The following PRKCB variants were observed in gnomAD, a reference collection of about 807,000 sequenced individuals.
PRKCB encodes protein kinase C beta.
Under a neutral mutation model 81.5 loss-of-function variants are expected in PRKCB, and 13 were observed. The ratio of observed to expected loss-of-function variants is 0.16; its 90% CI spans 0.10 to 0.25. The LOEUF (loss-of-function observed/expected upper bound fraction) is 0.25. Among genes scored for constraint, PRKCB ranks in the 10% least tolerant of loss-of-function variants. The pLI is 1.00. For missense variants in PRKCB, 509 were observed against 875.7 expected, an observed-to-expected ratio of 0.58 and a Z score of 5.29; for synonymous variants, 335 against 321.4, an observed-to-expected ratio of 1.04 and a Z score of -0.45.
At chr16:24,160,817 G>C (rs1344995679) in intron 10 of PRKCB, among the ~76,000 whole-genome samples, 1 of 152,118 alleles carries the variant, frequency 6.6e-6, no homozygotes, top group African/African-American at 2.4e-5. Flanking sequence ...TCTGAGCAGA[G>C]ACCAGGGCAA....
chr16:24,145,954 G>A (rs1388288868), intron 9 of PRKCB, among the ~76,000 whole-genome samples: 2 of 152,236 alleles, frequency 1.3e-5, no homozygotes, highest in African/African-American at 4.8e-5. Flanking sequence ...TTATAAGCAA[G>A]TTAAGATGTG....
chr16:24,193,454 A>G (rs1446367402), intron 16 of PRKCB, among the ~76,000 whole-genome samples: 2 of 57,948 alleles, frequency 3.5e-5, no homozygotes, highest in East Asian at 6.2e-4. Context: ...CAAATAAATA[A>G]ATAAATAAAT....
intron 2 of PRKCB, among the ~76,000 whole-genome samples, chr16:23,969,463 G>T (rs1016562838): frequency 6.6e-6 from 1 of 152,102 alleles, no homozygotes; most frequent in Non-Finnish European, 1.5e-5. Flanking sequence ...TCTATTGAGA[G>T]CTGGTTTCCA....
intron 2 of PRKCB, among the ~76,000 whole-genome samples, chr16:23,920,686 G>A (rs1170084933): frequency 1.3e-5 from 2 of 152,190 alleles, no homozygotes; most frequent in African/African-American, 4.8e-5. Flanking sequence ...AAGAGTGGGT[G>A]AGACAGGCTG....
At chr16:24,182,364 A>T (rs76415220) in intron 13 of PRKCB, among the ~76,000 whole-genome samples, 1 of 152,090 alleles carries the variant, frequency 6.6e-6, no homozygotes, top group Non-Finnish European at 1.5e-5. Context: ...TACAAAAAAA[A>T]TTAAAAATTC....
chr16:24,086,007 G>A (rs1966306420), intron 5 of PRKCB, among the ~76,000 whole-genome samples: 1 of 152,146 alleles, frequency 6.6e-6, no homozygotes, highest in Non-Finnish European at 1.5e-5. Context: ...CTTTGATGCT[G>A]GATGTGGGCT....
chr16:24,071,855 C>T (rs559962893), intron 5 of PRKCB, among the ~76,000 whole-genome samples: 98 of 152,186 alleles, frequency 6.4e-4, no homozygotes, highest in African/African-American at 2.2e-3. Flanking sequence ...TTGCAGTAAC[C>T]ATGCCCAAGC....
At chr16:23,874,568 C>CTTTTTTTTT (rs58560122) in intron 2 of PRKCB, among the ~76,000 whole-genome samples, 1 of 133,052 alleles carries the variant, frequency 7.5e-6, no homozygotes, top group Non-Finnish European at 1.6e-5. Flanking sequence ...ATTCTTCTCT[C>CTTTTTTTTT]TTTTTTTTTT....
chr16:23,893,917 A>C (rs147399464), intron 2 of PRKCB: 1 of 152,216 alleles, frequency 6.6e-6, no homozygotes, highest in Non-Finnish European at 1.5e-5. Flanking sequence ...AAGTTCATGT[A>C]TTAGTTAGGT....
rs187709200 is a variant in PRKCB at position 24,010,769 on chromosome 16, C to G, written c.289-21367C>G. 5.0e-3 allele frequency among the ~76,000 whole-genome samples: 758 copies of G among 152,294 alleles called. 4 individuals are homozygous for G. Among genetic ancestry groups the G allele is most frequent in the Admixed American group, 0.01 (159 of 15,294 alleles). On this transcript the variant is annotated intron_variant, in intron 3 of 16. Transcript: ENST00000643927. ...AAGATTCATCATTTTAAATATTGCTCAAGTGCCTGCTGCTGCCAGTGACTT... is the reference window on the plus strand; with the variant it reads ...AAGATTCATCATTTTAAATATTGCTGAAGTGCCTGCTGCTGCCAGTGACTT...
At chr16:23,875,619 T>C (rs1257538388) in intron 2 of PRKCB, among the ~76,000 whole-genome samples, 7 of 34,264 alleles carry the variant, frequency 2.0e-4, no homozygotes, top group South Asian at 1.4e-3. Context: ...ATCACACACA[T>C]ATATGTATGT....
At chr16:24,117,366 C>T (rs1032897877) in intron 8 of PRKCB, among the ~76,000 whole-genome samples, 12 of 152,104 alleles carry the variant, frequency 7.9e-5, no homozygotes, top group African/African-American at 9.7e-5. Flanking sequence ...TTCAGTCGAC[C>T]GTGGGCTTTG....
intron 2 of PRKCB, among the ~76,000 whole-genome samples, chr16:23,967,717 AC>A (rs983748488): frequency 6.6e-6 from 1 of 151,716 alleles, no homozygotes; most frequent in African/African-American, 2.4e-5. Context: ...CAATGGCACA[AC>A]CCCGGCCCAC....
At chr16:23,885,964 C>T (rs983792070) in intron 2 of PRKCB, among the ~76,000 whole-genome samples, 1 of 152,154 alleles carries the variant, frequency 6.6e-6, no homozygotes, top group African/African-American at 2.4e-5. Flanking sequence ...TTAACAACAA[C>T]AAACTTTCAT....
intron 5 of PRKCB, among the ~76,000 whole-genome samples, chr16:24,035,834 AGGATCCTC>A (rs779915633): frequency 2.0e-5 from 3 of 152,180 alleles, no homozygotes; most frequent in Non-Finnish European, 2.9e-5. Context: ...TAACTTCCTC[AGGATCCTC>A]CACTTCCCTT....
intron 9 of PRKCB, among the ~76,000 whole-genome samples, chr16:24,151,246 G>A (rs1035722663): frequency 6.6e-6 from 1 of 152,148 alleles, no homozygotes; most frequent in Non-Finnish European, 1.5e-5. Context: ...AAGATGCAGA[G>A]CCTGACTCAG....
At chr16:24,008,803 A>T (rs1965162771) in intron 3 of PRKCB, among the ~76,000 whole-genome samples, 1 of 152,224 alleles carries the variant, frequency 6.6e-6, no homozygotes, top group South Asian at 2.1e-4. Context: ...TCTGGGGCTT[A>T]TTCATCATGC....
chr16:23,970,492 C>T (rs992934693), intron 2 of PRKCB, among the ~76,000 whole-genome samples: 3 of 152,112 alleles, frequency 2.0e-5, no homozygotes, highest in African/African-American at 7.2e-5. Flanking sequence ...GAATTGTGTG[C>T]GAAATGTGGG....
At chr16:24,054,322 TA>T (rs1008231494) in intron 5 of PRKCB, among the ~76,000 whole-genome samples, 1 of 152,230 alleles carries the variant, frequency 6.6e-6, no homozygotes, top group African/African-American at 2.4e-5. Context: ...TTCCCAATGG[TA>T]GGCAATATCT....
Sources: gnomAD v4.1 joint callset for allele counts (sites outside exome capture counted in the v4.1 genomes callset) on GRCh38, gnomAD v4.1.1 for gene constraint, MANE v1.5 for transcripts, NCBI Gene and HGNC (gene_info 2026-07-23, HGNC 2026-07-21) for gene names.